The following RIN2 variants were observed in gnomAD, a reference collection of about 807,000 sequenced individuals.
RIN2 encodes the protein RAB5 interacting protein 2.
In RIN2, 36 loss-of-function variants were observed where a neutral mutation model predicts 78.0. The ratio of observed to expected loss-of-function variants is 0.46; its 90% CI spans 0.35 to 0.61. The LOEUF (loss-of-function observed/expected upper bound fraction) is 0.61. Ranked by LOEUF, RIN2 falls within the 20% of genes least tolerant of loss-of-function variation. RIN2 has a pLI of 0.00. For synonymous variants in RIN2, 466 were observed against 466.8 expected (o/e 1.00, Z 0.02); for missense variants, 1,087 against 1,159.7 (o/e 0.94, Z 0.91).
intron 1 of RIN2, among the ~76,000 whole-genome samples, chr20:19,759,816 A>C (rs2033561052): frequency 6.6e-6 from 1 of 152,130 alleles, no homozygotes. Context: ...GTAAGCCGAC[A>C]TTGTGCCACT....
intron 2 of RIN2, among the ~76,000 whole-genome samples, chr20:19,845,574 A>ATT (rs58960543): frequency 2.2e-5 from 3 of 138,750 alleles, no homozygotes; most frequent in African/African-American, 7.9e-5. Context: ...CTACTTTTTG[A>ATT]TTTTTTTTTT....
intron 3 of RIN2, among the ~76,000 whole-genome samples, chr20:19,927,903 G>GTGTTT (rs1039091392): frequency 4.0e-5 from 6 of 151,038 alleles, no homozygotes; most frequent in Admixed American, 2.6e-4. Context: ...GCCTATTGAA[G>GTGTTT]TGTTTTGTTT....
intron 4 of RIN2, among the ~76,000 whole-genome samples, chr20:19,937,398 C>A (rs551189712): frequency 6.6e-6 from 1 of 152,164 alleles, no homozygotes; most frequent in East Asian, 1.9e-4. Context: ...GGAAATGCAC[C>A]GCCGTCAGCT....
intron 2 of RIN2, among the ~76,000 whole-genome samples, chr20:19,868,882 AC>A (rs1324874986): frequency 1.3e-5 from 2 of 152,078 alleles, no homozygotes; most frequent in Admixed American, 1.3e-4. Flanking sequence ...GGAGTTCAAG[AC>A]CAACCTGGCC....
chr20:19,878,808 C>A (rs1439116418), intron 2 of RIN2, among the ~76,000 whole-genome samples: 1 of 152,136 alleles, frequency 6.6e-6, no homozygotes, highest in Non-Finnish European at 1.5e-5. Flanking sequence ...TAATCTAATT[C>A]TTTTGCTATC....
chr20:19,956,900 C>T (rs2041567285), intron 5 of RIN2, 93 bp downstream of exon 5: 1 of 1,119,442 alleles, frequency 8.9e-7, no homozygotes, highest in Non-Finnish European at 1.2e-6. Context: ...GAAATTTCTT[C>T]CTAGCTTGTA....
At chr20:19,991,823 A>G (rs2042805871) in intron 10 of RIN2, among the ~76,000 whole-genome samples, 2 of 152,264 alleles carry the variant, frequency 1.3e-5, no homozygotes, top group South Asian at 4.1e-4. Flanking sequence ...GCATAAGTAA[A>G]TATTTTGTAA....
chr20:19,788,432 C>CAAAAAAAAAAAAAAACA (rs2034760178), intron 1 of RIN2, among the ~76,000 whole-genome samples: 13 of 53,740 alleles, frequency 2.4e-4, no homozygotes, highest in African/African-American at 1.3e-3. Context: ...CTGTCTCTGC[C>CAAAAAAAAAAAAAAACA]AAAAAAAAAA....
rs188428045 is a variant in RIN2, at chr20:19,892,404, C to T, written c.57+2746C>T. Among the ~76,000 whole-genome samples the T allele has an allele frequency of 2.0e-3, 304 of 152,028 alleles. 3 individuals carry two copies. Among genetic ancestry groups the T allele is most frequent in the Admixed American group, 7.9e-3 (121 of 15,256 alleles). ...CTAATTTTTGTATTTTTAGTAGAGA[C>T]GGGGTTTCACCATCTTGGCCGTGCT... On this transcript the variant is annotated intron_variant, in intron 3 of 12. Transcript: ENST00000255006.
intron 1 of RIN2, among the ~76,000 whole-genome samples, chr20:19,797,848 T>C (rs2122684564): frequency 6.6e-6 from 1 of 151,368 alleles, no homozygotes; most frequent in East Asian, 1.9e-4. Flanking sequence ...CTATGGATTA[T>C]TCTACTTAAT....
intron 1 of RIN2, among the ~76,000 whole-genome samples, chr20:19,777,520 T>C (rs1328820384): frequency 6.6e-6 from 1 of 152,260 alleles, no homozygotes; most frequent in African/African-American, 2.4e-5. Context: ...TATAAATTGT[T>C]GATAGACCTG....
chr20:19,844,226 A>G (rs4814909), intron 2 of RIN2, among the ~76,000 whole-genome samples: 141,389 of 152,198 alleles, frequency 0.93, 65,726 homozygotes, highest in East Asian at 1. Context: ...ACACTTCATT[A>G]CCTCAGATAT....
chr20:19,924,487 C>CT (rs2040119368), intron 3 of RIN2, among the ~76,000 whole-genome samples: 39 of 36,364 alleles, frequency 1.1e-3, no homozygotes, highest in African/African-American at 4.0e-3. Context: ...CACCTTCATA[C>CT]CCCACCTTCA....
At chr20:19,788,511 A>T (rs1391762626) in intron 1 of RIN2, among the ~76,000 whole-genome samples, 2 of 150,866 alleles carry the variant, frequency 1.3e-5, no homozygotes, top group African/African-American at 2.4e-5. Flanking sequence ...CTGAGGCAGG[A>T]GAATCACCTG....
chr20:19,830,356 A>G (rs6081763), intron 2 of RIN2, among the ~76,000 whole-genome samples: 93,863 of 151,970 alleles, frequency 0.62, 30,069 homozygotes, highest in African/African-American at 0.78. Context: ...GCATGACCTT[A>G]GAATCCTTTC....
intron 1 of RIN2, among the ~76,000 whole-genome samples, chr20:19,782,933 G>A (rs912973827): frequency 1.3e-5 from 2 of 152,202 alleles, no homozygotes; most frequent in African/African-American, 4.8e-5. Context: ...CCTGCAACAG[G>A]AGGAGCCTAG....
intron 2 of RIN2, among the ~76,000 whole-genome samples, chr20:19,801,775 A>G (rs993428732): frequency 1.3e-5 from 2 of 152,200 alleles, no homozygotes; most frequent in African/African-American, 4.8e-5. Flanking sequence ...TAAACACCAA[A>G]GAGCATTAGA....
intron 2 of RIN2, among the ~76,000 whole-genome samples, chr20:19,828,429 T>G (rs999371182): frequency 5.9e-5 from 9 of 152,308 alleles, no homozygotes; most frequent in Non-Finnish European, 1.2e-4. Context: ...GAAATGGTTT[T>G]TATCACAGAG....
intron 3 of RIN2, among the ~76,000 whole-genome samples, chr20:19,901,009 G>T (rs1242096735): frequency 7.2e-6 from 1 of 139,726 alleles, no homozygotes; most frequent in Non-Finnish European, 1.5e-5. Context: ...CAGACCCAGA[G>T]AATCAGAAAC....
Sources: allele counts gnomAD v4.1 joint callset (sites outside exome capture counted in the v4.1 genomes callset), GRCh38; gene constraint gnomAD v4.1.1; transcripts MANE v1.5; gene names NCBI Gene and HGNC (gene_info 2026-07-23, HGNC 2026-07-21).